The following CCDC102B variants were observed in gnomAD, a reference collection of about 807,000 sequenced individuals.
The protein encoded by CCDC102B is coiled-coil domain containing 102B.
A neutral mutation model predicts 57.4 loss-of-function variants in CCDC102B; 75 were observed. That is an observed-to-expected ratio of 1.31 (90% CI 1.08 to 1.58). The LOEUF is 1.58. CCDC102B is among the 40% of genes most tolerant of loss of function. The pLI, the probability that CCDC102B is intolerant of heterozygous loss-of-function variation, is 0.00. For synonymous variants in CCDC102B, 206 were observed against 201.9 expected, an observed-to-expected ratio of 1.02 and a Z score of -0.17; for missense variants, 636 against 582.6, an observed-to-expected ratio of 1.09 and a Z score of -0.94.
intron 7 of CCDC102B, among the ~76,000 whole-genome samples, chr18:69,014,336 A>G (rs1327020090): frequency 6.6e-6 from 1 of 152,218 alleles, no homozygotes. Flanking sequence ...AAATTCAGAT[A>G]TGGTCACAGT....
At chr18:68,814,355 T>G (rs1297636035) in intron 1 of CCDC102B, among the ~76,000 whole-genome samples, 1 of 152,170 alleles carries the variant, frequency 6.6e-6, no homozygotes, top group African/African-American at 2.4e-5. Flanking sequence ...TTAGAGCATC[T>G]CTGTCAATGA....
intron 4 of CCDC102B, among the ~76,000 whole-genome samples, chr18:68,849,432 T>C (rs927342218): frequency 1.3e-5 from 2 of 152,094 alleles, no homozygotes; most frequent in Non-Finnish European, 2.9e-5. Context: ...TTATCGACTC[T>C]GCCTCCAAAC....
At chr18:68,851,670 G>A (rs1395142435) in intron 4 of CCDC102B, among the ~76,000 whole-genome samples, 1 of 152,120 alleles carries the variant, frequency 6.6e-6, no homozygotes, top group African/African-American at 2.4e-5. Flanking sequence ...TGAAGAAAAA[G>A]AGAGGTTAAG....
chr18:68,831,107 C>T (rs1013582729), intron 1 of CCDC102B, among the ~76,000 whole-genome samples: 3 of 151,886 alleles, frequency 2.0e-5, no homozygotes, highest in African/African-American at 7.2e-5. Context: ...GAAAACACAG[C>T]AATGACATCA....
At chr18:68,897,723 G>A in intron 6 of CCDC102B, 1 of 995,394 alleles carries the variant, frequency 1.0e-6, no homozygotes, top group Non-Finnish European at 1.4e-6. Context: ...TCTTATTAAA[G>A]CTTTGTCTCA....
intron 6 of CCDC102B, among the ~76,000 whole-genome samples, chr18:68,922,964 A>G (rs1361354153): frequency 6.6e-6 from 1 of 152,092 alleles, no homozygotes; most frequent in Admixed American, 6.6e-5. Context: ...CAAGTCTGAC[A>G]TTACTTAGCC....
intron 5 of CCDC102B, among the ~76,000 whole-genome samples, chr18:68,884,654 G>GTA (rs943674498): frequency 3.4e-5 from 5 of 148,566 alleles, no homozygotes; most frequent in African/African-American, 1.0e-4. Flanking sequence ...TCTCCCCATC[G>GTA]TATATATATA....
chr18:68,876,376 G>A (rs922890225), intron 5 of CCDC102B, among the ~76,000 whole-genome samples: 8 of 152,104 alleles, frequency 5.3e-5, no homozygotes, highest in African/African-American at 1.9e-4. Flanking sequence ...GAGCTGTACA[G>A]CAAATGTGAA....
At chr18:68,965,318 C>T (rs563012249) in intron 6 of CCDC102B, among the ~76,000 whole-genome samples, 3 of 149,386 alleles carry the variant, frequency 2.0e-5, no homozygotes, top group Admixed American at 2.0e-4. Context: ...TTTTTTTTTT[C>T]CCATTTGTTC....
chr18:68,982,157 ATC>A (rs2050602855), intron 6 of CCDC102B, among the ~76,000 whole-genome samples: 1 of 151,826 alleles, frequency 6.6e-6, no homozygotes, highest in South Asian at 2.1e-4. Context: ...ATGCAGAATT[ATC>A]TCTGATTAAA....
At chr18:68,961,995 C>T (rs1194348223) in intron 6 of CCDC102B, among the ~76,000 whole-genome samples, 1 of 152,016 alleles carries the variant, frequency 6.6e-6, no homozygotes, top group Non-Finnish European at 1.5e-5. Context: ...ATGTCTTACA[C>T]AAGTATTTCC....
At chr18:68,760,806 G>A (rs910820455) in intron 2 of CCDC102B, among the ~76,000 whole-genome samples, 1 of 152,066 alleles carries the variant, frequency 6.6e-6, no homozygotes. Context: ...AACCAGTAAA[G>A]TGCTTGCAGC....
chr18:69,030,230 T>C (rs2052102445), intron 7 of CCDC102B, among the ~76,000 whole-genome samples: 1 of 152,216 alleles, frequency 6.6e-6, no homozygotes, highest in African/African-American at 2.4e-5. Flanking sequence ...CTAATTATTT[T>C]TAAAAATTAC....
chr18:68,808,578 C>T (rs1429703001), intron 1 of CCDC102B, among the ~76,000 whole-genome samples: 3 of 149,884 alleles, frequency 2.0e-5, no homozygotes, highest in East Asian at 2.0e-4. Context: ...CCTGGGTTCA[C>T]GCCATTCTCC....
At chr18:69,031,686 T>C (rs142146549) in intron 7 of CCDC102B, among the ~76,000 whole-genome samples, 58 of 152,286 alleles carry the variant, frequency 3.8e-4, no homozygotes, top group Non-Finnish European at 6.6e-4. Flanking sequence ...TGCTATTTCT[T>C]ATGTTCTATG....
At chr18:68,823,211 T>G (rs2036765467) in intron 1 of CCDC102B, among the ~76,000 whole-genome samples, 1 of 152,238 alleles carries the variant, frequency 6.6e-6, no homozygotes, top group Non-Finnish European at 1.5e-5. Context: ...TGTTACCAAA[T>G]TCTTTTAGCT....
chr18:68,814,139 TTA>T (rs1489974121), intron 1 of CCDC102B, among the ~76,000 whole-genome samples: 2 of 152,192 alleles, frequency 1.3e-5, no homozygotes, highest in Non-Finnish European at 2.9e-5. Context: ...GCAGCAAAAT[TTA>T]TGTTTTGCTT....
At chr18:68,865,189 C>A (rs1190834387) in intron 4 of CCDC102B, among the ~76,000 whole-genome samples, 1 of 152,186 alleles carries the variant, frequency 6.6e-6, no homozygotes, top group South Asian at 2.1e-4. Context: ...TTCACATTGG[C>A]CTGACACATT....
intron 6 of CCDC102B, among the ~76,000 whole-genome samples, chr18:68,907,336 TA>T (rs369141505): frequency 1.2e-4 from 18 of 148,118 alleles, no homozygotes; most frequent in East Asian, 7.9e-4. Context: ...TTTTTGCAAA[TA>T]AAAAAAAAAC....
Sources: gnomAD v4.1 joint callset for allele counts (sites outside exome capture counted in the v4.1 genomes callset) on GRCh38, gnomAD v4.1.1 for gene constraint, MANE v1.5 for transcripts, NCBI Gene and HGNC (gene_info 2026-07-23, HGNC 2026-07-21) for gene names.